ARHGAP10: variants seen among roughly 807,000 people sequenced by gnomAD.
ARHGAP10 encodes the protein Rho GTPase activating protein 10.
ARHGAP10 carries 87 observed loss-of-function variants against 108.6 expected under a neutral mutation model. The observed-to-expected ratio is 0.80, with a 90% CI of 0.67 to 0.96. The LOEUF (loss-of-function observed/expected upper bound fraction) is 0.96. Ranked by LOEUF, ARHGAP10 falls within the 40% of genes least tolerant of loss-of-function variation. The pLI, the probability that ARHGAP10 is intolerant of heterozygous loss-of-function variation, is 0.00. For missense variants in ARHGAP10, 939 were observed against 954.5 expected, an observed-to-expected ratio of 0.98 and a Z score of 0.21; for synonymous variants, 347 against 341.1, an observed-to-expected ratio of 1.02 and a Z score of -0.19.
At chr4:147,986,870 T>A (rs1740063645) in intron 18 of ARHGAP10, among the ~76,000 whole-genome samples, 1 of 152,234 alleles carries the variant, frequency 6.6e-6, no homozygotes, top group South Asian at 2.1e-4. Flanking sequence ...AAGTGGGGAT[T>A]CAGACCCAGG....
chr4:148,043,101 C>T lies in ARHGAP10; in HGVS notation c.1868-3791C>T, dbSNP rs76802479. Among the ~76,000 whole-genome samples the T allele has an allele frequency of 7.1e-3, 1,085 of 152,196 alleles. 4 individuals carry two copies. The highest frequency in any genetic ancestry group is 0.017 in the Middle Eastern group (5 of 294). On this transcript the variant is annotated intron_variant, in intron 19 of 22. Coordinates refer to ENST00000336498, the MANE Select transcript of ARHGAP10 (RefSeq NM_024605.4). Reference sequence around the variant, plus strand: ...GGCACCTAAAACCAGGTTATAAAACCAGTATATGATGGCGAAATGCAAAAT... The same window carrying T: ...GGCACCTAAAACCAGGTTATAAAACTAGTATATGATGGCGAAATGCAAAAT...
chr4:147,753,177 A>G (rs1729231349), intron 1 of ARHGAP10, among the ~76,000 whole-genome samples: 3 of 152,072 alleles, frequency 2.0e-5, no homozygotes, highest in Admixed American at 2.0e-4. Flanking sequence ...TGGAAATAAA[A>G]CTCGTCTCCT....
chr4:147,945,024 TGAA>T (rs1459929687), intron 14 of ARHGAP10, among the ~76,000 whole-genome samples: 2 of 152,186 alleles, frequency 1.3e-5, no homozygotes, highest in Non-Finnish European at 2.9e-5. Context: ...ATTGTGCAGA[TGAA>T]GATCTGAAGT....
At chr4:148,061,312 T>G (rs1234105052) in intron 20 of ARHGAP10, among the ~76,000 whole-genome samples, 1 of 152,142 alleles carries the variant, frequency 6.6e-6, no homozygotes. Flanking sequence ...TCTTCCTCCA[T>G]TCACACCCTC....
At chr4:148,006,933 G>C (rs900513591) in intron 18 of ARHGAP10, among the ~76,000 whole-genome samples, 9 of 152,132 alleles carry the variant, frequency 5.9e-5, no homozygotes, top group Non-Finnish European at 1.2e-4. Flanking sequence ...GTGGACCTTT[G>C]TGGCCTTTTT....
chr4:147,972,630 T>C (rs1444660342), intron 18 of ARHGAP10, among the ~76,000 whole-genome samples: 1 of 152,186 alleles, frequency 6.6e-6, no homozygotes. Context: ...TCAGTGCTAG[T>C]GTCAGGGTTG....
At chr4:147,933,150 T>A (rs1251111300) in intron 13 of ARHGAP10, among the ~76,000 whole-genome samples, 1 of 152,224 alleles carries the variant, frequency 6.6e-6, no homozygotes, top group African/African-American at 2.4e-5. Context: ...TTCATCACTT[T>A]AGGGTTGGTC....
At chr4:147,921,254 G>A (rs541319161) in intron 13 of ARHGAP10, among the ~76,000 whole-genome samples, 58 of 152,300 alleles carry the variant, frequency 3.8e-4, no homozygotes, top group Non-Finnish European at 6.3e-4. Flanking sequence ...GTGTTAGTTT[G>A]GGTAATGAAG....
At chr4:148,047,621 G>A (rs966422402) in intron 20 of ARHGAP10, among the ~76,000 whole-genome samples, 7 of 152,170 alleles carry the variant, frequency 4.6e-5, no homozygotes, top group African/African-American at 1.7e-4. Flanking sequence ...AAAGTACCTT[G>A]AACCTGTGAG....
chr4:147,779,212 G>A (rs1000560546), intron 1 of ARHGAP10, among the ~76,000 whole-genome samples: 7 of 152,154 alleles, frequency 4.6e-5, no homozygotes, highest in African/African-American at 1.7e-4. Context: ...TGGGGAGCAT[G>A]TAAGCTGCGG....
At position 148,043,614 on chromosome 4, in the gene ARHGAP10, AATATATATATATATATATATATATATAT is replaced by A. The variant is rs57931206; in HGVS notation, c.1868-3267_1868-3240del. 5.4e-3 allele frequency among the ~76,000 whole-genome samples: 295 copies of A among 55,002 alleles called. 9 individuals are homozygous for A. The highest frequency in any genetic ancestry group is 0.039 in the South Asian group (78 of 1,992). 36.1% of individuals were successfully genotyped at this position (55,002 alleles called of 152,430 possible). A position where few individuals can be genotyped will look rare whatever the true frequency, so the allele number is the denominator to read the frequency against. ...GACAACATAGGGAGACCCTCTCTCT[AATATATATATATATATATATATATATAT>A]ATATATATATTTTAGGTGTATAAAT... On this transcript the variant is annotated intron_variant, in intron 19 of 22. Coordinates refer to ENST00000336498, the MANE Select transcript of ARHGAP10 (RefSeq NM_024605.4).
rs1056333214 is a variant in ARHGAP10, at chr4:147,847,347, A to G, written c.384+125A>G. On this transcript the variant is annotated intron_variant, in intron 4 of 22. Transcript: ENST00000336498. The stretch of plus-strand genomic sequence containing the variant: ...CAAACCATCTGTTGTTTTGTTTGAA[A>G]TGTGCTTTTCCCCCTTTGGGGGATA... 7 of 905,050 alleles carry G rather than the reference A, an allele frequency of 7.7e-6. No homozygotes were observed. The African/African-American group carries it at 1.0e-4, about 13-fold the overall frequency. 56.1% of individuals were successfully genotyped at this position (905,050 alleles called of 1,614,324 possible).
intron 22 of ARHGAP10, among the ~76,000 whole-genome samples, chr4:148,070,105 T>C (rs1047339640): frequency 6.6e-6 from 1 of 152,224 alleles, no homozygotes; most frequent in Non-Finnish European, 1.5e-5. Flanking sequence ...TCTCATGTTA[T>C]ATGTGTTACA....
chr4:147,741,792 G>GCACACACACGCA (rs1728677141), intron 1 of ARHGAP10, among the ~76,000 whole-genome samples: 13 of 57,664 alleles, frequency 2.3e-4, no homozygotes, highest in Non-Finnish European at 5.5e-4. Context: ...ACACACACAC[G>GCACACACACGCA]CACACACACA....
At chr4:147,832,646 C>CA (rs776184630) in intron 3 of ARHGAP10, among the ~76,000 whole-genome samples, 2,100 of 63,536 alleles carry the variant, frequency 0.033, 86 homozygotes, top group Middle Eastern at 0.061. Flanking sequence ...GACTCTGTCT[C>CA]AAAAAAAAAA....
At chr4:147,962,703 G>A (rs1034301655) in intron 16 of ARHGAP10, among the ~76,000 whole-genome samples, 1 of 152,064 alleles carries the variant, frequency 6.6e-6, no homozygotes, top group African/African-American at 2.4e-5. Flanking sequence ...TTGAGATGGA[G>A]TCTCTCTCTG....
intron 8 of ARHGAP10, among the ~76,000 whole-genome samples, chr4:147,877,609 G>C (rs1202467173): frequency 1.3e-5 from 2 of 152,058 alleles, no homozygotes; most frequent in Non-Finnish European, 2.9e-5. Flanking sequence ...GTCAACTTCT[G>C]CTGGGCCTAA....
chr4:147,898,651 TTC>T (rs992582618), intron 10 of ARHGAP10, among the ~76,000 whole-genome samples: 83 of 152,304 alleles, frequency 5.4e-4, no homozygotes, highest in African/African-American at 2.0e-3. Context: ...AGATTTCAGA[TTC>T]TCTGTTTCAC....
intron 1 of ARHGAP10, among the ~76,000 whole-genome samples, chr4:147,806,713 C>CT (rs1560768750): frequency 6.6e-6 from 1 of 152,070 alleles, no homozygotes; most frequent in African/African-American, 2.4e-5. Context: ...AGCATATTAT[C>CT]TTTTTTGAGA....
Sources: allele counts gnomAD v4.1 joint callset (sites outside exome capture counted in the v4.1 genomes callset), GRCh38; gene constraint gnomAD v4.1.1; transcripts MANE v1.5; gene names NCBI Gene and HGNC (gene_info 2026-07-23, HGNC 2026-07-21).